Variants in DCLK1 observed in about 807,000 individuals in gnomAD.
DCLK1 encodes doublecortin like kinase 1.
In DCLK1, 16 loss-of-function variants were observed where a neutral mutation model predicts 86.2. That is an observed-to-expected ratio of 0.19 (90% CI 0.13 to 0.28). The LOEUF (loss-of-function observed/expected upper bound fraction) is 0.28, where lower values mean the gene tolerates loss of function less well. Ranked by LOEUF, DCLK1 falls within the 10% of genes least tolerant of loss-of-function variation. The pLI, the probability that DCLK1 is intolerant of heterozygous loss-of-function variation, is 1.00. For synonymous variants in DCLK1, 369 were observed against 370.5 expected (o/e 1.00, Z 0.05); for missense variants, 590 against 940.2 (o/e 0.63, Z 4.87).
At chr13:35,927,083 A>G (rs1176687153) in intron 4 of DCLK1, among the ~76,000 whole-genome samples, 2 of 152,220 alleles carry the variant, frequency 1.3e-5, no homozygotes, top group African/African-American at 2.4e-5. Flanking sequence ...TGGCTTCCTC[A>G]TATTGTGAAA....
chr13:36,042,948 T>C (rs1882745940), intron 3 of DCLK1, among the ~76,000 whole-genome samples: 1 of 152,206 alleles, frequency 6.6e-6, no homozygotes, highest in South Asian at 2.1e-4. Flanking sequence ...TTCTTCTACA[T>C]AAGCATATAT....
chr13:35,929,644 T>C (rs534833622), intron 4 of DCLK1, among the ~76,000 whole-genome samples: 58 of 152,340 alleles, frequency 3.8e-4, no homozygotes, highest in Non-Finnish European at 6.3e-4. Flanking sequence ...TAAGCAAACA[T>C]GTATGGATTC....
chr13:35,839,004 C>G (rs1869599689), intron 7 of DCLK1, 88 bp downstream of exon 7: 2 of 1,248,356 alleles, frequency 1.6e-6, no homozygotes, highest in African/African-American at 3.0e-5. Context: ...TTGTCCATGT[C>G]ATTCCGCTTG....
chr13:35,965,884 G>T (rs1312622476), intron 3 of DCLK1, among the ~76,000 whole-genome samples: 1 of 152,164 alleles, frequency 6.6e-6, no homozygotes, highest in Non-Finnish European at 1.5e-5. Flanking sequence ...GACTGTAAGG[G>T]ATCTGAACTT....
intron 3 of DCLK1, among the ~76,000 whole-genome samples, chr13:36,012,056 C>CT (rs1169136537): frequency 1.4e-5 from 2 of 141,932 alleles, no homozygotes; most frequent in Non-Finnish European, 3.0e-5. Context: ...CAACCCCTGC[C>CT]TTTTTTTGTT....
At chr13:35,827,793 A>G in intron 9 of DCLK1, 39 bp from the exon 10 acceptor site, 2 of 1,610,056 alleles carry the variant, frequency 1.2e-6, no homozygotes, top group East Asian at 2.2e-5. Context: ...GCTTCCATAA[A>G]ACATGTGGAG....
At chr13:35,983,152 G>T (rs1320174095) in intron 3 of DCLK1, among the ~76,000 whole-genome samples, 2 of 151,838 alleles carry the variant, frequency 1.3e-5, no homozygotes, top group African/African-American at 4.8e-5. Context: ...TAGAGACAGG[G>T]TCTCACTGTT....
intron 11 of DCLK1, among the ~76,000 whole-genome samples, chr13:35,814,144 A>G (rs1390243612): frequency 6.6e-6 from 1 of 152,088 alleles, no homozygotes; most frequent in Non-Finnish European, 1.5e-5. Context: ...AGCTACGTGC[A>G]CCCTTATCTC....
chr13:36,126,512 C>T (rs1423403260), intron 1 of DCLK1, among the ~76,000 whole-genome samples: 3 of 152,106 alleles, frequency 2.0e-5, no homozygotes, highest in African/African-American at 7.2e-5. Context: ...GATCCTCCCC[C>T]GCCCCCCAAC....
At chr13:36,006,847 G>C (rs1161558763) in intron 3 of DCLK1, among the ~76,000 whole-genome samples, 2 of 152,188 alleles carry the variant, frequency 1.3e-5, no homozygotes, top group African/African-American at 4.8e-5. Flanking sequence ...CCATCTGTAA[G>C]GTGGACTATG....
In DCLK1 at chr13:35,941,871, A is replaced by G. The variant is rs374754892; in HGVS notation, c.823+5487T>C. Among the ~76,000 whole-genome samples, 73 of 152,300 alleles carry G rather than the reference A, an allele frequency of 4.8e-4. No homozygotes were observed. In the South Asian group the frequency reaches 0.013, roughly 28 times the overall value. ...TGATACCCCTACAATCCACACACAA[A>G]TGACCCATATCACATAACATCTCAT... On this transcript the variant is annotated intron_variant, in intron 4 of 16. Transcript: ENST00000360631.
At chr13:36,001,407 G>A (rs1017795010) in intron 3 of DCLK1, among the ~76,000 whole-genome samples, 22 of 152,158 alleles carry the variant, frequency 1.4e-4, no homozygotes, top group Non-Finnish European at 7.4e-5. Context: ...GGTTCCAGAA[G>A]TCTCCTGGTT....
intron 6 of DCLK1, among the ~76,000 whole-genome samples, chr13:35,853,939 A>G (rs1387037885): frequency 6.6e-6 from 1 of 152,198 alleles, no homozygotes; most frequent in African/African-American, 2.4e-5. Flanking sequence ...TGGAGAAGCT[A>G]ACAGTTTCCA....
At chr13:35,989,946 T>C (rs1048010772) in intron 3 of DCLK1, among the ~76,000 whole-genome samples, 4 of 152,070 alleles carry the variant, frequency 2.6e-5, no homozygotes, top group Admixed American at 2.6e-4. Flanking sequence ...AAACTAAGAG[T>C]TGGTAGGTGC....
chr13:35,873,636 T>A (rs1221318427), intron 4 of DCLK1, among the ~76,000 whole-genome samples: 1 of 152,138 alleles, frequency 6.6e-6, no homozygotes, highest in Non-Finnish European at 1.5e-5. Flanking sequence ...TCCACCCACC[T>A]CAGCCTCCCA....
intron 16 of DCLK1, among the ~76,000 whole-genome samples, chr13:35,779,384 T>C (rs2045858963): frequency 6.6e-6 from 1 of 152,234 alleles, no homozygotes; most frequent in African/African-American, 2.4e-5. Context: ...GGGAATTAAT[T>C]GCACACTGAC....
intron 4 of DCLK1, among the ~76,000 whole-genome samples, chr13:35,923,375 C>CTT (rs1173828429): frequency 4.1e-5 from 6 of 144,934 alleles, no homozygotes; most frequent in African/African-American, 1.0e-4. Flanking sequence ...GCTTCACTTT[C>CTT]TTTTTTTTTT....
At position 35,974,829 on chromosome 13, in the gene DCLK1, C is replaced by T. The variant is rs565558723; in HGVS notation, c.724-27372G>A. Reference sequence around the variant, plus strand: ...CCTCAGATGGAACCAACCCTGCCAACACCTTGATCTCAGACTTCTGACCTC... The same window carrying T: ...CCTCAGATGGAACCAACCCTGCCAATACCTTGATCTCAGACTTCTGACCTC... On this transcript the variant is annotated intron_variant, in intron 3 of 16. Coordinates refer to ENST00000360631, the MANE Select transcript of DCLK1 (RefSeq NM_001330071.2). 1.1e-4 allele frequency among the ~76,000 whole-genome samples: 17 copies of T among 152,306 alleles called. No individual in the cohort carries two copies. The South Asian group carries it at 3.5e-3, about 32-fold the overall frequency.
chr13:35,835,252 C>G (rs771299853), intron 8 of DCLK1, among the ~76,000 whole-genome samples: 8 of 152,020 alleles, frequency 5.3e-5, no homozygotes, highest in Non-Finnish European at 4.4e-5. Context: ...CCAGTCCAGC[C>G]CCCAGAAAGC....
Sources: allele counts gnomAD v4.1 joint callset (sites outside exome capture counted in the v4.1 genomes callset), GRCh38; gene constraint gnomAD v4.1.1; transcripts MANE v1.5; gene names NCBI Gene and HGNC (gene_info 2026-07-23, HGNC 2026-07-21).